STRN: variants seen among roughly 807,000 people sequenced by gnomAD.
STRN encodes protein phosphatase 2 regulatory subunit B'''alpha.
In STRN, 53 loss-of-function variants were observed where a neutral mutation model predicts 96.3. That is an observed-to-expected ratio of 0.55 (90% CI 0.44 to 0.69). STRN has a LOEUF of 0.69. STRN is among the 30% of genes least tolerant of loss of function. STRN has a pLI of 0.00. For missense variants in STRN, 987 were observed against 963.9 expected (o/e 1.02, Z -0.32); for synonymous variants, 428 against 355.9 (o/e 1.20, Z -2.28).
chr2:36,849,159 T>C lies in STRN; in HGVS notation c.*297A>G. On this transcript the variant is annotated 3_prime_UTR_variant, in exon 18 of 18. Transcript: ENST00000263918. ...ACTCAACAGGGACAAGCTAAACTTG[T>C]ATTCGCTCAGGCCTGCCTAGCGAAT... The C allele has an allele frequency of 3.3e-6, 1 of 306,668 alleles. No individual in the cohort carries two copies. Among genetic ancestry groups the C allele is most frequent in the East Asian group, 6.1e-5 (1 of 16,304 alleles). The allele number at this position is 306,668 out of a possible 1,614,324, so 19.0% of individuals were successfully genotyped here.
chr2:36,883,004 A>T (rs1021972652), intron 9 of STRN, among the ~76,000 whole-genome samples: 6 of 152,204 alleles, frequency 3.9e-5, no homozygotes, highest in African/African-American at 1.4e-4. Flanking sequence ...TAAATATTCA[A>T]AAGTTTCATA....
intron 2 of STRN, among the ~76,000 whole-genome samples, chr2:36,917,332 G>C (rs1043880439): frequency 2.0e-5 from 3 of 151,514 alleles, no homozygotes; most frequent in African/African-American, 7.3e-5. Flanking sequence ...GATCAGCCTG[G>C]CTAACATGGT....
intron 1 of STRN, among the ~76,000 whole-genome samples, chr2:36,958,724 C>A (rs377494845): frequency 1.3e-5 from 2 of 152,182 alleles, no homozygotes; most frequent in African/African-American, 4.8e-5. Context: ...AAGGAAAATG[C>A]AATCGAGGAC....
At chr2:36,896,119 C>T (rs2003586) in intron 6 of STRN, among the ~76,000 whole-genome samples, 2 of 152,154 alleles carry the variant, frequency 1.3e-5, no homozygotes, top group African/African-American at 4.8e-5. Context: ...ACAGAGTCCT[C>T]GTTCTCACTG....
Position 36,916,118 on chromosome 2 carries a change from T to C in STRN, c.372A>G (p.Glu124=). 9 of 1,613,744 alleles carry C rather than the reference T, an allele frequency of 5.6e-6. No homozygotes were observed. Among genetic ancestry groups the C allele is most frequent in the Non-Finnish European group, 7.6e-6 (9 of 1,179,850 alleles). The part of the protein sequence containing the change: ...AKYHKLKYGT[E]LNQGDMKPPS... ...GAGGCTTCATATCTCCCTGATTCAATTCTGTCCCGTATTTCAACTTGTGGT... is the reference window on the plus strand; with the variant it reads ...GAGGCTTCATATCTCCCTGATTCAACTCTGTCCCGTATTTCAACTTGTGGT... Residue 124 remains glutamate, a synonymous_variant, in exon 3 of 18, where the codon GAA becomes GAG. Transcript: ENST00000263918.
chr2:36,954,830 G>T (rs570541628), intron 1 of STRN, among the ~76,000 whole-genome samples: 2 of 152,006 alleles, frequency 1.3e-5, no homozygotes, highest in African/African-American at 4.8e-5. Flanking sequence ...GTAGAAACGG[G>T]GTTTCACCAT....
At chr2:36,923,364 T>C (rs540422414) in intron 2 of STRN, among the ~76,000 whole-genome samples, 1 of 150,766 alleles carries the variant, frequency 6.6e-6, no homozygotes, top group Admixed American at 6.6e-5. Context: ...GACAGGAGAA[T>C]TGCTTGAGCC....
At chr2:36,936,194 GA>G (rs1471490083) in intron 1 of STRN, among the ~76,000 whole-genome samples, 1 of 152,068 alleles carries the variant, frequency 6.6e-6, no homozygotes, top group Admixed American at 6.6e-5. Context: ...TTTCATCTCT[GA>G]AAAGACTGTA....
At chr2:36,849,982 A>G (rs1355199624) in intron 16 of STRN, among the ~76,000 whole-genome samples, 182 bp from the exon 17 acceptor site, 1 of 152,246 alleles carries the variant, frequency 6.6e-6, no homozygotes, top group Non-Finnish European at 1.5e-5. Context: ...AATGATATGG[A>G]AAACCAAAAA....
chr2:36,903,060 C>G (rs1461041873), intron 4 of STRN: 1 of 172,254 alleles, frequency 5.8e-6, no homozygotes. Context: ...TGGATTGGAG[C>G]TAGACTACCA....
intron 6 of STRN, among the ~76,000 whole-genome samples, chr2:36,898,879 GGAGA>G (rs914189810): frequency 1.1e-4 from 17 of 152,130 alleles, no homozygotes; most frequent in African/African-American, 4.1e-4. Flanking sequence ...GAAGAAGGAA[GGAGA>G]GAGAGAAGGG....
rs952886747 is a variant in STRN at position 36,841,761 on chromosome 2, T to A, written c.*7695A>T. On this transcript the variant is annotated 3_prime_UTR_variant, in exon 18 of 18. Transcript: ENST00000263918. ...ATGAAAACTATTTCCTCTGACACTT[T>A]GCCATGGGGCTCTAGGATACTTTTG... 6.6e-6 allele frequency: 1 copy of A among 152,238 alleles called. No homozygotes were observed. Among genetic ancestry groups the A allele is most frequent in the East Asian group, 1.9e-4 (1 of 5,202 alleles). The allele number at this position is 152,238 out of a possible 1,614,324, so 9.4% of individuals were successfully genotyped here.
chr2:36,894,533 T>C (rs770851892), intron 6 of STRN, among the ~76,000 whole-genome samples: 10 of 152,236 alleles, frequency 6.6e-5, no homozygotes, highest in Admixed American at 1.3e-4. Flanking sequence ...TTAAGCTGAA[T>C]ACATGCAGGG....
At chr2:36,926,024 C>T (rs1670400323) in intron 1 of STRN, among the ~76,000 whole-genome samples, 2 of 152,144 alleles carry the variant, frequency 1.3e-5, no homozygotes, top group Non-Finnish European at 1.5e-5. Flanking sequence ...TCAATCCCCA[C>T]CATTTTTCTC....
rs1336551191 is a variant in STRN at position 36,846,325 on chromosome 2, T to A, written c.*3131A>T. The A allele has an allele frequency of 7.0e-6, 1 of 142,586 alleles. No homozygotes were observed. The highest frequency in any genetic ancestry group is 2.1e-4 in the East Asian group (1 of 4,854). 8.8% of individuals were successfully genotyped at this position (142,586 alleles called of 1,614,324 possible). Reference sequence around the variant, plus strand: ...AGCACAACACTCATCATACTCATCATTATCTGCTGTGTATACTACCTCCAA... The same window carrying A: ...AGCACAACACTCATCATACTCATCAATATCTGCTGTGTATACTACCTCCAA... On this transcript the variant is annotated 3_prime_UTR_variant, in exon 18 of 18. Transcript: ENST00000263918.
intron 6 of STRN, among the ~76,000 whole-genome samples, chr2:36,897,115 T>A (rs961627278): frequency 1.3e-5 from 2 of 151,676 alleles, no homozygotes; most frequent in African/African-American, 4.8e-5. Flanking sequence ...TGCAGTCAGC[T>A]GAGATTACAC....
intron 1 of STRN, among the ~76,000 whole-genome samples, chr2:36,954,726 T>C (rs962590280): frequency 2.6e-5 from 4 of 151,434 alleles, no homozygotes; most frequent in Non-Finnish European, 5.9e-5. Context: ...AACCTCTGCC[T>C]CCTGGGTTCA....
chr2:36,935,310 T>C (rs1670675253), intron 1 of STRN, among the ~76,000 whole-genome samples: 1 of 152,126 alleles, frequency 6.6e-6, no homozygotes. Flanking sequence ...ATTTTCTATT[T>C]AAAAACAAAA....
chr2:36,876,310 T>C (rs995155566), intron 10 of STRN, among the ~76,000 whole-genome samples: 2 of 151,686 alleles, frequency 1.3e-5, no homozygotes, highest in African/African-American at 4.8e-5. Context: ...ATCTGTATCA[T>C]ATTTGTGGAG....
Sources: gnomAD v4.1 joint callset for allele counts (sites outside exome capture counted in the v4.1 genomes callset) on GRCh38, gnomAD v4.1.1 for gene constraint, MANE v1.5 for transcripts, NCBI Gene and HGNC (gene_info 2026-07-23, HGNC 2026-07-21) for gene names.